LRMDA: variants seen among roughly 807,000 people sequenced by gnomAD.
LRMDA encodes leucine-rich melanocyte differentiation-associated protein.
In LRMDA, 18 loss-of-function variants were observed where a neutral mutation model predicts 29.8. The ratio of observed to expected loss-of-function variants is 0.60; its 90% CI spans 0.42 to 0.90. The LOEUF is 0.90. Ranked by LOEUF, LRMDA falls within the 40% of genes least tolerant of loss-of-function variation. The probability of loss-of-function intolerance (pLI) is 0.00; values close to 1 mark genes in which losing one functional copy is unlikely to be tolerated. For synonymous variants in LRMDA, 125 were observed against 109.4 expected, an observed-to-expected ratio of 1.14 and a Z score of -0.89; for missense variants, 273 against 273.9, an observed-to-expected ratio of 1.00 and a Z score of 0.02.
At chr10:76,301,908 G>A (rs1226771216) in intron 5 of LRMDA, among the ~76,000 whole-genome samples, 2 of 152,208 alleles carry the variant, frequency 1.3e-5, no homozygotes, top group Non-Finnish European at 2.9e-5. Context: ...GCATTTTCCT[G>A]TGTGGAGATC....
intron 2 of LRMDA, among the ~76,000 whole-genome samples, chr10:75,975,853 TCA>T (rs1847060640): frequency 6.6e-6 from 1 of 152,220 alleles, no homozygotes; most frequent in Non-Finnish European, 1.5e-5. Context: ...TTCCAATTCA[TCA>T]CAGAGTCCTG....
At chr10:76,267,475 C>G (rs139434832) in intron 5 of LRMDA, among the ~76,000 whole-genome samples, 2 of 152,262 alleles carry the variant, frequency 1.3e-5, no homozygotes, top group East Asian at 3.9e-4. Context: ...TAAGCAATAA[C>G]TCCCTATTTC....
At chr10:76,062,445 G>A (rs1848716381) in intron 5 of LRMDA, among the ~76,000 whole-genome samples, 1 of 152,148 alleles carries the variant, frequency 6.6e-6, no homozygotes. Flanking sequence ...GCAGAGGTCT[G>A]ATTGGGTACC....
At chr10:76,017,856 A>C (rs1174530966) in intron 2 of LRMDA, among the ~76,000 whole-genome samples, 2 of 152,204 alleles carry the variant, frequency 1.3e-5, no homozygotes, top group Non-Finnish European at 2.9e-5. Flanking sequence ...CTGAGAGCTA[A>C]TGAGAGCTGA....
intron 5 of LRMDA, among the ~76,000 whole-genome samples, chr10:76,166,190 G>T (rs1370178323): frequency 1.3e-5 from 2 of 152,176 alleles, no homozygotes; most frequent in Non-Finnish European, 2.9e-5. Context: ...TATGTACCAG[G>T]CATGAGGCTG....
intron 2 of LRMDA, among the ~76,000 whole-genome samples, chr10:75,741,626 T>G (rs561924721): frequency 1.3e-5 from 2 of 152,232 alleles, no homozygotes; most frequent in African/African-American, 4.8e-5. Flanking sequence ...ACAAGGGTAT[T>G]TGGTGTGACG....
At chr10:75,441,160 T>G (rs1844322750) in intron 2 of LRMDA, among the ~76,000 whole-genome samples, 1 of 152,154 alleles carries the variant, frequency 6.6e-6, no homozygotes, top group African/African-American at 2.4e-5. Flanking sequence ...TGACCCAAGC[T>G]CTCTAGGCTT....
At chr10:75,590,439 G>A (rs1234773442) in intron 2 of LRMDA, among the ~76,000 whole-genome samples, 1 of 148,644 alleles carries the variant, frequency 6.7e-6, no homozygotes, top group Non-Finnish European at 1.5e-5. Context: ...CTTAAAAAAA[G>A]TTTTGTTATT....
At chr10:76,230,249 C>T (rs1852033613) in intron 5 of LRMDA, among the ~76,000 whole-genome samples, 1 of 152,182 alleles carries the variant, frequency 6.6e-6, no homozygotes, top group Non-Finnish European at 1.5e-5. Flanking sequence ...GTTGCTTCCA[C>T]ACATATTCAA....
intron 5 of LRMDA, among the ~76,000 whole-genome samples, chr10:76,208,082 A>G (rs1338022414): frequency 6.6e-6 from 1 of 152,192 alleles, no homozygotes; most frequent in African/African-American, 2.4e-5. Flanking sequence ...AAACTTGTTT[A>G]TGCCAGTTTT....
intron 2 of LRMDA, among the ~76,000 whole-genome samples, chr10:75,878,407 T>G (rs1263747653): frequency 6.6e-6 from 1 of 151,808 alleles, no homozygotes. Context: ...GGTCTTCCCC[T>G]GGGGTAGGGC....
At chr10:75,490,561 A>G (rs1173039904) in intron 2 of LRMDA, among the ~76,000 whole-genome samples, 2 of 152,200 alleles carry the variant, frequency 1.3e-5, no homozygotes, top group Non-Finnish European at 2.9e-5. Flanking sequence ...ACAGTCATAG[A>G]ATATTAGAAT....
chr10:75,443,519 C>T (rs562500397), intron 2 of LRMDA, among the ~76,000 whole-genome samples: 7 of 152,038 alleles, frequency 4.6e-5, no homozygotes, highest in South Asian at 2.1e-4. Context: ...TTATTGATTG[C>T]GTATGTTAAA....
chr10:76,421,862 T>C (rs1023576941), intron 6 of LRMDA, among the ~76,000 whole-genome samples: 1 of 152,190 alleles, frequency 6.6e-6, no homozygotes, highest in African/African-American at 2.4e-5. Context: ...ATTTCATACT[T>C]GACACTGAGT....
intron 2 of LRMDA, among the ~76,000 whole-genome samples, chr10:75,689,869 CT>C (rs1405385686): frequency 6.6e-6 from 1 of 152,176 alleles, no homozygotes; most frequent in Non-Finnish European, 1.5e-5. Context: ...TTCTCCCAGC[CT>C]TTGCAGGCAG....
chr10:75,609,927 C>T (rs1448980956), intron 2 of LRMDA, among the ~76,000 whole-genome samples: 1 of 152,000 alleles, frequency 6.6e-6, no homozygotes, highest in Non-Finnish European at 1.5e-5. Context: ...AGGACTTGGC[C>T]CAAGTGTGGC....
At chr10:76,284,721 G>C (rs1158480970) in intron 5 of LRMDA, among the ~76,000 whole-genome samples, 1 of 152,138 alleles carries the variant, frequency 6.6e-6, no homozygotes, top group Admixed American at 6.6e-5. Context: ...ATAATCCCCA[G>C]GTGTTGTGGT....
chr10:76,191,170 A>G (rs1420894889), intron 5 of LRMDA, among the ~76,000 whole-genome samples: 1 of 152,122 alleles, frequency 6.6e-6, no homozygotes, highest in Non-Finnish European at 1.5e-5. Context: ...TGATTGATTG[A>G]CTGAAATTAA....
chr10:75,791,833 A>G (rs894268701), intron 2 of LRMDA, among the ~76,000 whole-genome samples: 2 of 150,978 alleles, frequency 1.3e-5, no homozygotes, highest in African/African-American at 4.9e-5. Context: ...TTTAGTGACA[A>G]GTTGATTTTG....
Sources: gnomAD v4.1 joint callset for allele counts (sites outside exome capture counted in the v4.1 genomes callset) on GRCh38, gnomAD v4.1.1 for gene constraint, MANE v1.5 for transcripts, NCBI Gene and HGNC (gene_info 2026-07-23, HGNC 2026-07-21) for gene names.